The following LRRC32 variants were observed in gnomAD, a reference collection of about 807,000 sequenced individuals.
The protein encoded by LRRC32 is leucine rich repeat containing 32, also known as transforming growth factor beta activator LRRC32.
A neutral mutation model predicts 15.0 loss-of-function variants in LRRC32; 5 were observed. The observed-to-expected ratio is 0.33, with a 90% CI of 0.17 to 0.70. The LOEUF (loss-of-function observed/expected upper bound fraction) is 0.70, where lower values mean the gene tolerates loss of function less well. Ranked by LOEUF, LRRC32 falls within the 30% of genes least tolerant of loss-of-function variation. LRRC32 has a pLI of 0.66. For missense variants in LRRC32, 803 were observed against 854.2 expected (o/e 0.94, Z 0.75); for synonymous variants, 391 against 403.9 (o/e 0.97, Z 0.38).
chr11:76,662,319 C>G (rs79809441), intron 2 of LRRC32, among the ~76,000 whole-genome samples: 2,505 of 152,260 alleles, frequency 0.016, 59 homozygotes, highest in East Asian at 0.053. Context: ...GTCACATAAC[C>G]ACTCTGTTTT....
Position 76,659,989 on chromosome 11 carries a change from G to A in LRRC32, c.1604C>T (p.Ala535Val). 6.2e-7 allele frequency: 1 copy of A among 1,614,142 alleles called. No homozygotes were observed. Among genetic ancestry groups the A allele is most frequent in the South Asian group, 1.1e-5 (1 of 91,084 alleles). The change falls in exon 3 of 3, where the codon GCT (alanine) becomes GTT (valine). Residue 535 changes from alanine (A) to valine (V), a missense_variant. Physicochemically the swap from Ala to Val is moderately conservative, Grantham distance 64. Transcript: ENST00000260061. The part of the protein sequence containing the change: ...RLSHLPAWTQ[A>V]VSLEVLDLRN... ...CAGGTCCAGCACCTCCAGTGACACAGCCTGTGTCCAGGCGGGAAGGTGGCT... is the reference window on the plus strand; with the variant it reads ...CAGGTCCAGCACCTCCAGTGACACAACCTGTGTCCAGGCGGGAAGGTGGCT...
Position 76,659,352 on chromosome 11 carries a change from TG to T in LRRC32, c.*251del. 2.0e-6 allele frequency: 1 copy of T among 501,238 alleles called. No homozygotes were observed. Among genetic ancestry groups the T allele is most frequent in the South Asian group, 2.8e-5 (1 of 36,290 alleles). 31.0% of individuals were successfully genotyped at this position (501,238 alleles called of 1,614,324 possible). The stretch of plus-strand genomic sequence containing the variant: ...AAATACATGCTCAGTGAAGATTTGT[TG>T]ATCTGACAGGTCAACATTATTCTCG... On this transcript the variant is annotated 3_prime_UTR_variant, in exon 3 of 3. Coordinates refer to ENST00000260061, the MANE Select transcript of LRRC32 (RefSeq NM_001128922.2).
In LRRC32 at chr11:76,661,551, A is replaced by G. The variant is rs1952534588; in HGVS notation, c.85-43T>C. The G allele has an allele frequency of 9.2e-6, 14 of 1,523,398 alleles. No homozygotes were observed. In the East Asian group the frequency reaches 1.2e-4, roughly 13 times the overall value. The allele number at this position is 1,523,398 out of a possible 1,614,324, so 94.4% of individuals were successfully genotyped here. On this transcript the variant is annotated intron_variant, in intron 2 of 2. Coordinates refer to ENST00000260061, the MANE Select transcript of LRRC32 (RefSeq NM_001128922.2). ...GGGGAGACAGCTGGCATAAGTGGGC[A>G]CGGTAGGGGATGAAACCAGACATGT...
chr11:76,660,362 T>G lies in LRRC32; in HGVS notation c.1231A>C (p.Ser411Arg), dbSNP rs201424816. The G allele has an allele frequency of 1.2e-6, 2 of 1,613,282 alleles. No individual in the cohort carries two copies. Among genetic ancestry groups the G allele is most frequent in the African/African-American group, 2.7e-5 (2 of 75,072 alleles). Residue 411 changes from serine to arginine, a missense_variant, in exon 3 of 3, where the codon AGC (serine) becomes CGC (arginine). Ser to Arg is a moderately radical substitution (Grantham distance 110, BLOSUM62 -1). Transcript: ENST00000260061. ...LPPYTFANLA[S>R]LQRLNLQGNR... ...CCCTGCAGGTTGAGCCGCTGCAGGC[T>G]GGCCAGATTGGCAAAGGTGTATGGG...
In LRRC32 at chr11:76,665,881, G is replaced by C; in HGVS notation, c.74C>G (p.Pro25Arg). 1 of 1,614,048 alleles carries C rather than the reference G, an allele frequency of 6.2e-7. No homozygotes were observed. The highest frequency in any genetic ancestry group is 8.5e-7 in the Non-Finnish European group (1 of 1,179,974). ...GGCAGAGCATCTTACCATCTTACAGGGCACTTTGTCTTGGTGTTGTGCAGC... is the reference window on the plus strand; with the variant it reads ...GGCAGAGCATCTTACCATCTTACAGCGCACTTTGTCTTGGTGTTGTGCAGC... ...GLAAQHQDKVPCKMVDKKVSC... is the reference protein window; with the variant it reads ...GLAAQHQDKVRCKMVDKKVSC... The change falls in exon 2 of 3, where the codon CCC becomes CGC. Residue 25 changes from proline (P) to arginine (R), a missense_variant. Physicochemically the swap from Pro to Arg is moderately radical, Grantham distance 103. Transcript: ENST00000260061.
At chr11:76,661,785 T>G (rs1002360374) in intron 2 of LRRC32, among the ~76,000 whole-genome samples, 4 of 151,754 alleles carry the variant, frequency 2.6e-5, no homozygotes, top group Non-Finnish European at 2.9e-5. Flanking sequence ...GATAGACAGA[T>G]AGAAGGACAA....
rs1176275248 is a variant in LRRC32 at position 76,660,014 on chromosome 11, T to C, written c.1579A>G (p.Ser527Gly). ...KRLNLAENRL[S>G]HLPAWTQAVS... Reference sequence around the variant, plus strand: ...GCCTGTGTCCAGGCGGGAAGGTGGCTCAGGCGGTTCTCGGCAAGATTGAGC... The same window carrying C: ...GCCTGTGTCCAGGCGGGAAGGTGGCCCAGGCGGTTCTCGGCAAGATTGAGC... Residue 527 changes from serine (S) to glycine (G), a missense_variant, in exon 3 of 3, where the codon AGC becomes GGC. Coordinates refer to ENST00000260061, the MANE Select transcript of LRRC32 (RefSeq NM_001128922.2). The C allele has an allele frequency of 6.2e-7, 1 of 1,613,988 alleles. No individual in the cohort carries two copies. Among genetic ancestry groups the C allele is most frequent in the Non-Finnish European group, 8.5e-7 (1 of 1,180,050 alleles).
Position 76,660,879 on chromosome 11 carries a change from C to G in LRRC32, c.714G>C (p.Gln238His). 1 of 1,614,186 alleles carries G rather than the reference C, an allele frequency of 6.2e-7. No individual in the cohort carries two copies. Among genetic ancestry groups the G allele is most frequent in the South Asian group, 1.1e-5 (1 of 91,076 alleles). Residue 238 changes from glutamine (Q) to histidine (H), a missense_variant, in exon 3 of 3, where the codon CAG (glutamine) becomes CAC (histidine). Transcript: ENST00000260061. The stretch of plus-strand genomic sequence containing the variant: ...AGGTGAGCTGGAACTCAGCCTGGGG[C>G]TGGGAGGCCGTCTGAAAGGCCTCGA... ...NSIEAFQTAS[Q>H]PQAEFQLTWL...
In LRRC32 at chr11:76,667,642, T is replaced by G. The variant is rs147482218; in HGVS notation, c.-4-1684A>C. Among the ~76,000 whole-genome samples the G allele has an allele frequency of 8.3e-3, 1,261 of 152,382 alleles. 62 individuals are homozygous for G. Among genetic ancestry groups the G allele is most frequent in the Admixed American group, 0.077 (1,176 of 15,312 alleles). ...GGTTGTGCTTTCACAGGAAACTTTG[T>G]TCTGCTGTTTAAAAAGCAGAACGCC... is the stretch of plus-strand genomic sequence containing the variant. On this transcript the variant is annotated intron_variant, in intron 1 of 2. Transcript: ENST00000260061.
In LRRC32 at chr11:76,660,761, G is replaced by A. The variant is rs576424220; in HGVS notation, c.832C>T (p.Arg278Trp). The A allele has an allele frequency of 9.9e-5, 160 of 1,614,148 alleles. No homozygotes were observed. In the South Asian group the frequency reaches 1.3e-3, roughly 13 times the overall value. The change falls in exon 3 of 3, where the codon CGG (arginine) becomes TGG (tryptophan). Residue 278 changes from arginine (R) to tryptophan (W), a missense_variant. By Grantham distance (101) the Arg-to-Trp change is moderately radical. Coordinates refer to ENST00000260061, the MANE Select transcript of LRRC32 (RefSeq NM_001128922.2). Reference protein sequence around the residue: ...IYLNLSNNLIRLPTGPPQDSK... With the variant: ...IYLNLSNNLIWLPTGPPQDSK... ...TCCTGGGGTGGCCCTGTGGGGAGCC[G>A]GATGAGGTTGTTGGACAAGTTCAGG...
chr11:76,669,010 C>A (rs545516550), intron 1 of LRRC32, among the ~76,000 whole-genome samples: 1 of 152,306 alleles, frequency 6.6e-6, no homozygotes, highest in South Asian at 2.1e-4. Context: ...TAGACCCAGG[C>A]TTGCATCCAA....
Position 76,659,694 on chromosome 11 carries a change from G to A in LRRC32, c.1899C>T (p.Thr633=), listed in dbSNP as rs371924974. The stretch of plus-strand genomic sequence containing the variant: ...GGAGGATGGCAGAGACCAGTATGAA[G>A]GTGAGGATGATGATGAGGTTGATGT... ...LKNINLIIIL[T]FILVSAILLT... is the part of the protein sequence containing the mutation. Residue 633 remains threonine (T), a synonymous_variant, in exon 3 of 3, where the codon ACC becomes ACT. Transcript: ENST00000260061. The A allele has an allele frequency of 6.1e-5, 99 of 1,614,088 alleles. No homozygotes were observed. Among genetic ancestry groups the A allele is most frequent in the Non-Finnish European group, 8.2e-5 (97 of 1,180,026 alleles).
intron 1 of LRRC32, among the ~76,000 whole-genome samples, 197 bp downstream of exon 1, chr11:76,670,417 C>T (rs1030019802): frequency 6.6e-6 from 1 of 152,210 alleles, no homozygotes; most frequent in African/African-American, 2.4e-5. Flanking sequence ...GGGAAAGATC[C>T]GCCAAGACAG....
In LRRC32 at chr11:76,660,158, G is replaced by A; in HGVS notation, c.1435C>T (p.Leu479=). The change falls in exon 3 of 3, where the codon CTG becomes TTG. Residue 479 remains leucine, a synonymous_variant. Transcript: ENST00000260061. ...TELDLSSNPG[L]EVATGALGGL... The stretch of plus-strand genomic sequence containing the variant: ...CCCAAGGCCCCCGTGGCCACCTCCA[G>A]CCCAGGATTGGAAGAAAGGTCCAGC... 1 of 1,602,706 alleles carries A rather than the reference G, an allele frequency of 6.2e-7. No individual in the cohort carries two copies. The highest frequency in any genetic ancestry group is 1.1e-5 in the South Asian group (1 of 89,772).
rs768943444 is a variant in LRRC32, at chr11:76,658,048, A to AG, written c.*1555dup. 9 of 152,302 alleles carry AG rather than the reference A, an allele frequency of 5.9e-5. No individual in the cohort carries two copies. The highest frequency in any genetic ancestry group is 1.3e-4 in the Non-Finnish European group (9 of 68,024). The allele number at this position is 152,302 out of a possible 1,614,324, so 9.4% of individuals were successfully genotyped here. A position where few individuals can be genotyped will look rare whatever the true frequency, so the allele number is the denominator to read the frequency against. ...GAGGCTTTTTACCTGTTTTTGTAAG[A>AG]GGGAAAAAAGATCCTTGCATGATGA... On this transcript the variant is annotated 3_prime_UTR_variant, in exon 3 of 3. Transcript: ENST00000260061.
rs773149943 is a variant in LRRC32 at position 76,665,828 on chromosome 11, G to A, written c.84+43C>T. ...GGGCACTAGCACACCCTAGGGCAGG[G>A]AGGTGGGGGTGGTCCTCACCCTGTC... On this transcript the variant is annotated intron_variant, in intron 2 of 2. Transcript: ENST00000260061. 5 of 1,612,974 alleles carry A rather than the reference G, an allele frequency of 3.1e-6. No homozygotes were observed. The Admixed American group carries it at 5.0e-5, about 16-fold the overall frequency.
Position 76,661,526 on chromosome 11 carries a change from G to A in LRRC32, c.85-18C>T, listed in dbSNP as rs1007742376. The A allele has an allele frequency of 1.9e-6, 3 of 1,567,504 alleles. No homozygotes were observed. The highest frequency in any genetic ancestry group is 2.6e-6 in the Non-Finnish European group (3 of 1,155,160). ...TTGTCCACCTGGGGAGGGGTAGGGT[G>A]GGGAGACAGCTGGCATAAGTGGGCA... On this transcript the variant is annotated intron_variant, in intron 2 of 2. Coordinates refer to ENST00000260061, the MANE Select transcript of LRRC32 (RefSeq NM_001128922.2).
In LRRC32 at chr11:76,667,385, C is replaced by T. The variant is rs138990383; in HGVS notation, c.-4-1427G>A. ...GGTGCTCCCTCAGTGAGTGCTGAAC[C>T]GCGATTCTGAAGGATGCTGCAGGAG... On this transcript the variant is annotated intron_variant, in intron 1 of 2. Coordinates refer to ENST00000260061, the MANE Select transcript of LRRC32 (RefSeq NM_001128922.2). Among the ~76,000 whole-genome samples, 550 of 152,278 alleles carry T rather than the reference C, an allele frequency of 3.6e-3. 3 individuals carry two copies. Among genetic ancestry groups the T allele is most frequent in the African/African-American group, 0.013 (521 of 41,558 alleles).
Position 76,660,671 on chromosome 11 carries a change from T to C in LRRC32, c.922A>G (p.Asn308Asp). Residue 308 changes from asparagine (N) to aspartate (D), a missense_variant, in exon 3 of 3, where the codon AAT becomes GAT. Transcript: ENST00000260061. ...TGGGAAAGGGGGCGGCCGCTGGCATTCCCGCTGGGGGCTGAGAGGGGCAGG... is the reference window on the plus strand; with the variant it reads ...TGGGAAAGGGGGCGGCCGCTGGCATCCCCGCTGGGGGCTGAGAGGGGCAGG... ...SALPLSAPSG[N>D]ASGRPLSQLL... 1 of 1,614,010 alleles carries C rather than the reference T, an allele frequency of 6.2e-7. No homozygotes were observed. The highest frequency in any genetic ancestry group is 1.1e-5 in the South Asian group (1 of 91,064).
Sources: allele counts gnomAD v4.1 joint callset (sites outside exome capture counted in the v4.1 genomes callset), GRCh38; gene constraint gnomAD v4.1.1; transcripts MANE v1.5; gene names NCBI Gene and HGNC (gene_info 2026-07-23, HGNC 2026-07-21).